Variants in LGR6 observed in about 807,000 individuals in gnomAD.
LGR6 encodes leucine-rich repeat-containing G protein-coupled receptor 6.
Under a neutral mutation model 69.4 loss-of-function variants are expected in LGR6, and 45 were observed. The ratio of observed to expected loss-of-function variants is 0.65; its 90% CI spans 0.51 to 0.83. The LOEUF (loss-of-function observed/expected upper bound fraction) is 0.83. Among genes scored for constraint, LGR6 ranks in the 40% least tolerant of loss-of-function variants. The probability of loss-of-function intolerance (pLI) is 0.00; values close to 1 mark genes in which losing one functional copy is unlikely to be tolerated. For missense variants in LGR6, 1,108 were observed against 1,246.7 expected, an observed-to-expected ratio of 0.89 and a Z score of 1.68; for synonymous variants, 538 against 555.0, an observed-to-expected ratio of 0.97 and a Z score of 0.43.
intron 1 of LGR6, among the ~76,000 whole-genome samples, chr1:202,221,539 C>T (rs1045226419): frequency 1.3e-5 from 2 of 152,168 alleles, no homozygotes; most frequent in African/African-American, 4.8e-5. Flanking sequence ...TGGCTGTGTC[C>T]AGTTGAGAGG....
chr1:202,269,195 T>G (rs1664906216), intron 4 of LGR6, among the ~76,000 whole-genome samples: 1 of 152,178 alleles, frequency 6.6e-6, no homozygotes, highest in Non-Finnish European at 1.5e-5. Flanking sequence ...CATGAGCCAC[T>G]GTGCCCAGCT....
intron 16 of LGR6, among the ~76,000 whole-genome samples, chr1:202,310,862 C>T (rs1268852712): frequency 6.6e-6 from 1 of 152,088 alleles, no homozygotes; most frequent in African/African-American, 2.4e-5. Context: ...CAAGTCCATC[C>T]TGCACCTCCA....
chr1:202,276,115 C>A (rs1409666798), intron 4 of LGR6, among the ~76,000 whole-genome samples, 191 bp from the exon 5 acceptor site: 1 of 152,158 alleles, frequency 6.6e-6, no homozygotes, highest in Non-Finnish European at 1.5e-5. Flanking sequence ...AAAAAAAGAA[C>A]TATGGGTTGG....
At chr1:202,307,307 T>G (rs1370998246) in intron 13 of LGR6, 23 bp from the exon 14 acceptor site, 1 of 1,612,404 alleles carries the variant, frequency 6.2e-7, no homozygotes, top group South Asian at 1.1e-5. Flanking sequence ...TGTCCCCTCC[T>G]GTCACACCCT....
At chr1:202,235,808 G>C in intron 3 of LGR6, 114 bp from the exon 4 acceptor site, 1 of 816,206 alleles carries the variant, frequency 1.2e-6, no homozygotes, top group Non-Finnish European at 2.1e-6. Context: ...CTCTGAGGCT[G>C]GGGTGAGAAG....
chr1:202,269,814 G>A (rs1207841649), intron 4 of LGR6, among the ~76,000 whole-genome samples: 1 of 152,126 alleles, frequency 6.6e-6, no homozygotes, highest in Non-Finnish European at 1.5e-5. Context: ...TGCTTTCCTC[G>A]CCTCCCTTAG....
At chr1:202,209,353 C>T (rs1257141390) in intron 1 of LGR6, among the ~76,000 whole-genome samples, 3 of 152,200 alleles carry the variant, frequency 2.0e-5, no homozygotes, top group African/African-American at 7.2e-5. Context: ...AGGCCTCTCC[C>T]TGCTCCTCCT....
intron 6 of LGR6, among the ~76,000 whole-genome samples, chr1:202,291,203 TG>T (rs1202518973): frequency 3.0e-4 from 45 of 152,278 alleles, no homozygotes; most frequent in African/African-American, 1.1e-3. Flanking sequence ...GAGTTGGAAG[TG>T]GTTTCTCTTT....
chr1:202,295,153 C>A (rs1192944785), intron 6 of LGR6, among the ~76,000 whole-genome samples: 1 of 151,930 alleles, frequency 6.6e-6, no homozygotes, highest in South Asian at 2.1e-4. Flanking sequence ...CATGGTGAAA[C>A]CCCATCTCTA....
intron 3 of LGR6, among the ~76,000 whole-genome samples, chr1:202,229,494 G>A (rs1299058435): frequency 6.6e-6 from 1 of 152,230 alleles, no homozygotes; most frequent in African/African-American, 2.4e-5. Flanking sequence ...GCCCGGATTA[G>A]AGAGCAGGGC....
At chr1:202,205,028 C>T (rs200888815) in intron 1 of LGR6, among the ~76,000 whole-genome samples, 1 of 50,734 alleles carries the variant, frequency 2.0e-5, no homozygotes, top group African/African-American at 6.9e-5. Flanking sequence ...ACCTCACACA[C>T]CTCCTTCAAA....
intron 3 of LGR6, among the ~76,000 whole-genome samples, chr1:202,229,177 G>GTGT: frequency 6.6e-6 from 1 of 152,126 alleles, no homozygotes; most frequent in East Asian, 1.9e-4. Flanking sequence ...TCCTTTCCCT[G>GTGT]TGTTGTTCGT....
Position 202,290,393 on chromosome 1 carries a change from G to A in LGR6, c.717-7115G>A, listed in dbSNP as rs535759613. On this transcript the variant is annotated intron_variant, in intron 6 of 17. Transcript: ENST00000367278. ...CTCCTGCAGAAGCCCAATCCTCCAC[G>A]TCCATTTATCCTCTCTCCCTAAAAT... Among the ~76,000 whole-genome samples the A allele has an allele frequency of 3.3e-5, 5 of 152,236 alleles. No individual in the cohort carries two copies. The South Asian group carries it at 6.2e-4, about 19-fold the overall frequency.
intron 1 of LGR6, among the ~76,000 whole-genome samples, chr1:202,215,334 G>C (rs1318236067): frequency 6.6e-6 from 1 of 152,136 alleles, no homozygotes; most frequent in African/African-American, 2.4e-5. Context: ...TCCTCTTCTG[G>C]TGGCCCTGGC....
intron 4 of LGR6, among the ~76,000 whole-genome samples, chr1:202,241,708 A>C (rs1353739602): frequency 6.7e-6 from 1 of 149,662 alleles, no homozygotes; most frequent in Non-Finnish European, 1.5e-5. Context: ...AAAGCAGAAG[A>C]AGTGGGGGCT....
chr1:202,248,752 G>A (rs538931962), intron 4 of LGR6, among the ~76,000 whole-genome samples: 37 of 152,258 alleles, frequency 2.4e-4, no homozygotes, highest in Admixed American at 8.5e-4. Flanking sequence ...CTTCCCCAAG[G>A]AAAAAGGACA....
chr1:202,210,881 T>C (rs1659438045), intron 1 of LGR6: 4 of 152,252 alleles, frequency 2.6e-5, no homozygotes, highest in African/African-American at 9.6e-5. Flanking sequence ...GACACTTGCC[T>C]AGGCTCTGAA....
chr1:202,301,833 A>G (rs1258077893), intron 9 of LGR6, among the ~76,000 whole-genome samples: 1 of 152,146 alleles, frequency 6.6e-6, no homozygotes, highest in Admixed American at 6.5e-5. Context: ...CCTGGCCAAC[A>G]TGGTAAAACC....
intron 3 of LGR6, 51 bp from the exon 4 acceptor site, chr1:202,235,871 C>T (rs769294838): frequency 1.9e-6 from 3 of 1,548,580 alleles, no homozygotes; most frequent in Admixed American, 1.7e-5. Context: ...CACCCTCCAG[C>T]CAGCTCTGCA....
Sources: gnomAD v4.1 joint callset for allele counts (sites outside exome capture counted in the v4.1 genomes callset) on GRCh38, gnomAD v4.1.1 for gene constraint, MANE v1.5 for transcripts, NCBI Gene and HGNC (gene_info 2026-07-23, HGNC 2026-07-21) for gene names.